The following TMEM17 variants were observed in gnomAD, a reference collection of about 807,000 sequenced individuals.
TMEM17 encodes the protein transmembrane protein 17.
TMEM17 carries 15 observed loss-of-function variants against 19.1 expected under a neutral mutation model. That is an observed-to-expected ratio of 0.78 (90% CI 0.52 to 1.21). The LOEUF (loss-of-function observed/expected upper bound fraction) is 1.21, where lower values mean the gene tolerates loss of function less well. TMEM17 is among the 50% of genes most tolerant of loss of function. The probability of loss-of-function intolerance (pLI) is 0.00; values close to 1 mark genes in which losing one functional copy is unlikely to be tolerated. For synonymous variants in TMEM17, 103 were observed against 86.9 expected, an observed-to-expected ratio of 1.19 and a Z score of -1.03; for missense variants, 245 against 242.3, an observed-to-expected ratio of 1.01 and a Z score of -0.07.
At chr2:62,497,705 TG>T (rs1396969341), downstream of TMEM17, among the ~76,000 whole-genome samples, 1 of 152,246 alleles carries the variant, frequency 6.6e-6, no homozygotes, top group Non-Finnish European at 1.5e-5. Flanking sequence ...CAAGTGGGAT[TG>T]AGTGCGTATT....
chr2:62,471,235 T>G, the TMEM17 span, among the ~76,000 whole-genome samples: 1 of 152,066 alleles, frequency 6.6e-6, no homozygotes, highest in Non-Finnish European at 1.5e-5. Context: ...TTGGGAAGCT[T>G]AGAACCAATT....
chr2:62,492,264 G>C, the TMEM17 span, among the ~76,000 whole-genome samples: 1 of 152,218 alleles, frequency 6.6e-6, no homozygotes, highest in Non-Finnish European at 1.5e-5. Flanking sequence ...GTGTGACCCT[G>C]AGCAAGTTCC....
At chr2:62,481,160 T>C in the TMEM17 span, among the ~76,000 whole-genome samples, 5 of 152,194 alleles carry the variant, frequency 3.3e-5, no homozygotes, top group African/African-American at 4.8e-5. Flanking sequence ...GTTAACTTTA[T>C]TCCCAGGTTT....
the TMEM17 span, chr2:62,464,009 G>C: frequency 6.6e-6 from 1 of 152,188 alleles, no homozygotes; most frequent in Non-Finnish European, 1.5e-5. Context: ...CCCCTTTTCA[G>C]CTTCCCTTCC....
Position 62,501,449 on chromosome 2 carries a change from T to C in TMEM17, c.357A>G (p.Leu119=), listed in dbSNP as rs774503392. 3.7e-6 allele frequency: 6 copies of C among 1,613,768 alleles called. No individual in the cohort carries two copies. The highest frequency in any genetic ancestry group is 2.7e-5 in the African/African-American group (2 of 74,982). ...AGAAAAGAATTAAAGGTAACTGCAA[T>C]AGAAGGCTCAAAAGCCAAAAGCCAG... The part of the protein sequence containing the change: ...ELAGFWLLSL[L]LQLPLILFLL... The change falls in exon 4 of 4, where the codon CTA becomes CTG. Residue 119 remains leucine (L), a synonymous_variant. Coordinates refer to ENST00000335390, the MANE Select transcript of TMEM17 (RefSeq NM_198276.3).
chr2:62,482,513 T>C, the TMEM17 span, among the ~76,000 whole-genome samples: 3 of 152,216 alleles, frequency 2.0e-5, no homozygotes, highest in Non-Finnish European at 4.4e-5. Flanking sequence ...GTTTAAATTA[T>C]TCAGTCTACC....
the TMEM17 span, among the ~76,000 whole-genome samples, chr2:62,494,671 A>G: frequency 6.6e-6 from 1 of 152,300 alleles, no homozygotes; most frequent in Middle Eastern, 3.4e-3. Context: ...CTGAAAAATT[A>G]AAGACAAAGT....
At chr2:62,480,947 T>C in the TMEM17 span, among the ~76,000 whole-genome samples, 1 of 152,134 alleles carries the variant, frequency 6.6e-6, no homozygotes, top group East Asian at 1.9e-4. Flanking sequence ...TCCATTTCTG[T>C]GGAGTATGTC....
downstream of TMEM17, among the ~76,000 whole-genome samples, chr2:62,495,242 T>G (rs1183681782): frequency 6.6e-6 from 1 of 152,200 alleles, no homozygotes; most frequent in African/African-American, 2.4e-5. Context: ...TGTCCTACGA[T>G]TTGTATCTTG....
chr2:62,498,728 AAAT>A (rs1679841162), downstream of TMEM17, among the ~76,000 whole-genome samples: 31 of 143,902 alleles, frequency 2.2e-4, no homozygotes, highest in Admixed American at 1.0e-3. Flanking sequence ...AAATAAAATA[AAAT>A]AAAATAAAAT....
At chr2:62,456,470 C>G in the TMEM17 span, among the ~76,000 whole-genome samples, 4 of 152,232 alleles carry the variant, frequency 2.6e-5, no homozygotes, top group East Asian at 7.7e-4. Flanking sequence ...TCCTCTGCCT[C>G]TCTTTTAGAA....
At position 62,501,466 on chromosome 2, in the gene TMEM17, A is replaced by G. The variant is rs1398181134; in HGVS notation, c.340T>C (p.Trp114Arg). 6.2e-7 allele frequency: 1 copy of G among 1,612,666 alleles called. No homozygotes were observed. Among genetic ancestry groups the G allele is most frequent in the East Asian group, 2.2e-5 (1 of 44,862 alleles). Residue 114 changes from tryptophan (W) to arginine (R), a missense_variant, in exon 4 of 4, where the codon TGG becomes CGG. By Grantham distance (101) the Trp-to-Arg change is moderately radical (BLOSUM62 -3). Coordinates refer to ENST00000335390, the MANE Select transcript of TMEM17 (RefSeq NM_198276.3). ...QEKVPELAGF[W>R]LLSLLLQLPL... Reference sequence around the variant, plus strand: ...AACTGCAATAGAAGGCTCAAAAGCCAAAAGCCAGCCAACTCAGGAACCTGC... The same window carrying G: ...AACTGCAATAGAAGGCTCAAAAGCCGAAAGCCAGCCAACTCAGGAACCTGC...
the TMEM17 span, among the ~76,000 whole-genome samples, chr2:62,493,538 G>T: frequency 6.6e-6 from 1 of 152,178 alleles, no homozygotes; most frequent in East Asian, 1.9e-4. Context: ...GGACTACCCA[G>T]ATGTTTTTCC....
the TMEM17 span, among the ~76,000 whole-genome samples, chr2:62,467,963 T>A: frequency 6.6e-6 from 1 of 151,594 alleles, no homozygotes; most frequent in African/African-American, 2.4e-5. Context: ...ACTCAGGACG[T>A]CTTTCAGAGG....
the TMEM17 span, among the ~76,000 whole-genome samples, chr2:62,493,422 G>A: frequency 1.2e-4 from 18 of 152,274 alleles, no homozygotes; most frequent in African/African-American, 4.3e-4. Flanking sequence ...GGGCTGGTAT[G>A]GTAAAGTTGA....
the TMEM17 span, among the ~76,000 whole-genome samples, chr2:62,462,524 A>G: frequency 2.2e-4 from 33 of 152,238 alleles, no homozygotes; most frequent in East Asian, 6.2e-3. Flanking sequence ...TTTGCTTACA[A>G]TTTCATTCCC....
intron 1 of TMEM17, 39 bp from the exon 2 acceptor site, chr2:62,502,833 G>C (rs1262670295): frequency 7.6e-7 from 1 of 1,310,488 alleles, no homozygotes; most frequent in Non-Finnish European, 1.1e-6. Context: ...GATGAATCTT[G>C]GGTTTATGCC....
chr2:62,502,486 A>C lies in TMEM17; in HGVS notation c.269T>G (p.Ile90Ser). ...VITVIILITL[I>S]EAIRLYLGYV... ...GCCCAGATACAACCGGATGGCTTCA[A>C]TTAAGGTTATTAGGATGATAACAGT... The change falls in exon 3 of 4, where the codon ATT becomes AGT. Residue 90 changes from isoleucine (I) to serine (S), a missense_variant. Physicochemically the swap from Ile to Ser is moderately radical, Grantham distance 142 (BLOSUM62 -2). Transcript: ENST00000335390. The C allele has an allele frequency of 1.9e-6, 3 of 1,613,354 alleles. No individual in the cohort carries two copies. Among genetic ancestry groups the C allele is most frequent in the Non-Finnish European group, 1.7e-6 (2 of 1,179,322 alleles).
At chr2:62,463,484 G>T in the TMEM17 span, among the ~76,000 whole-genome samples, 2 of 152,164 alleles carry the variant, frequency 1.3e-5, no homozygotes, top group African/African-American at 2.4e-5. Flanking sequence ...GAAGAAATAG[G>T]CTATTCATAG....
Sources: gnomAD v4.1 joint callset for allele counts (sites outside exome capture counted in the v4.1 genomes callset) on GRCh38, gnomAD v4.1.1 for gene constraint, MANE v1.5 for transcripts, NCBI Gene and HGNC (gene_info 2026-07-23, HGNC 2026-07-21) for gene names.